Variants in SGMS1 observed in about 807,000 individuals in gnomAD.
SGMS1 encodes sphingomyelin synthase 1.
Under a neutral mutation model 46.2 loss-of-function variants are expected in SGMS1, and 13 were observed. The observed-to-expected ratio is 0.28, with a 90% CI of 0.18 to 0.45. The LOEUF (loss-of-function observed/expected upper bound fraction) is 0.45. Ranked by LOEUF, SGMS1 falls within the 20% of genes least tolerant of loss-of-function variation. The pLI, the probability that SGMS1 is intolerant of heterozygous loss-of-function variation, is 1.00. For missense variants in SGMS1, 324 were observed against 519.9 expected, an observed-to-expected ratio of 0.62 and a Z score of 3.66; for synonymous variants, 203 against 187.8, an observed-to-expected ratio of 1.08 and a Z score of -0.66.
intron 3 of SGMS1, among the ~76,000 whole-genome samples, chr10:50,472,527 T>G (rs189153692): frequency 6.6e-6 from 1 of 152,286 alleles, no homozygotes; most frequent in Admixed American, 6.5e-5. Flanking sequence ...AAAGGGTGAA[T>G]AGTATTGCAT....
intron 3 of SGMS1, among the ~76,000 whole-genome samples, chr10:50,487,844 A>T (rs1340662325): frequency 6.6e-6 from 1 of 152,094 alleles, no homozygotes; most frequent in Non-Finnish European, 1.5e-5. Flanking sequence ...AAATTTTAGA[A>T]AACATAATTG....
At chr10:50,602,793 A>G (rs1838660688) in intron 1 of SGMS1, among the ~76,000 whole-genome samples, 1 of 152,234 alleles carries the variant, frequency 6.6e-6, no homozygotes, top group African/African-American at 2.4e-5. Context: ...CAATAAAAAA[A>G]TTTGTAATGA....
intron 6 of SGMS1, among the ~76,000 whole-genome samples, chr10:50,392,654 T>G (rs1170676346): frequency 6.6e-6 from 1 of 152,190 alleles, no homozygotes; most frequent in Non-Finnish European, 1.5e-5. Flanking sequence ...AAGTGTTATT[T>G]CAGAAACAAG....
At position 50,623,951 on chromosome 10, in the gene SGMS1, C is replaced by A. The variant is rs1187786765; in HGVS notation, c.-928G>T. 1.0e-6 allele frequency: 1 copy of A among 985,936 alleles called. No individual in the cohort carries two copies. The highest frequency in any genetic ancestry group is 1.7e-5 in the African/African-American group (1 of 57,364). The allele number at this position is 985,936 out of a possible 1,614,324, so 61.1% of individuals were successfully genotyped here. ...TTTCGACTTGCCACCGCGAGCCTCC[C>A]GGGCTGCCGAGCATGCCCAGTCCGC... On this transcript the variant is annotated 5_prime_UTR_variant, in exon 1 of 11. Coordinates refer to ENST00000361781, the MANE Select transcript of SGMS1 (RefSeq NM_147156.4).
chr10:50,541,917 G>A (rs1210757125), intron 2 of SGMS1, among the ~76,000 whole-genome samples: 1 of 152,136 alleles, frequency 6.6e-6, no homozygotes, highest in Non-Finnish European at 1.5e-5. Flanking sequence ...CTTCCACTTC[G>A]AGGAGCATGT....
rs11005922 is a variant in SGMS1, at chr10:50,492,948, T to C, written c.-497-26016A>G. On this transcript the variant is annotated intron_variant, in intron 3 of 10. Transcript: ENST00000361781. ...AAGAGAGCTCTTCTCTTCTCCTTCT[T>C]TGGCCTTTTAAACCTCCTCTCTTAA... Among the ~76,000 whole-genome samples the C allele has an allele frequency of 8.3e-4, 127 of 152,262 alleles. 2 individuals are homozygous for C. The East Asian group carries it at 0.024, about 29-fold the overall frequency.
chr10:50,393,407 G>A (rs551433839), intron 6 of SGMS1, among the ~76,000 whole-genome samples: 100 of 152,214 alleles, frequency 6.6e-4, no homozygotes, highest in African/African-American at 2.0e-3. Flanking sequence ...ACATTAGACC[G>A]ATGATAAAAA....
At chr10:50,317,621 G>A (rs1258353898) in intron 8 of SGMS1, among the ~76,000 whole-genome samples, 2 of 151,978 alleles carry the variant, frequency 1.3e-5, no homozygotes, top group Non-Finnish European at 2.9e-5. Context: ...AATTTCTCCA[G>A]GTTTACTTTT....
chr10:50,612,947 C>T (rs1838764384), intron 1 of SGMS1, among the ~76,000 whole-genome samples: 2 of 152,246 alleles, frequency 1.3e-5, no homozygotes, highest in African/African-American at 2.4e-5. Context: ...GACCTCATAG[C>T]CACGTTTTTT....
chr10:50,388,111 G>C (rs958631569), intron 6 of SGMS1, among the ~76,000 whole-genome samples: 4 of 152,274 alleles, frequency 2.6e-5, no homozygotes, highest in Middle Eastern at 3.4e-3. Context: ...GAGAGGGAAG[G>C]AAGGAGATAT....
At chr10:50,411,591 G>C (rs1211649290) in intron 6 of SGMS1, among the ~76,000 whole-genome samples, 1 of 152,208 alleles carries the variant, frequency 6.6e-6, no homozygotes, top group Non-Finnish European at 1.5e-5. Context: ...CAAAGTGACA[G>C]AATGCACCTA....
intron 3 of SGMS1, among the ~76,000 whole-genome samples, chr10:50,513,624 C>T (rs868474076): frequency 3.4e-4 from 52 of 152,176 alleles, no homozygotes; most frequent in African/African-American, 1.2e-3. Flanking sequence ...AAAGCTATTA[C>T]AATAATGTAT....
chr10:50,384,610 G>T (rs1848655517), intron 6 of SGMS1, among the ~76,000 whole-genome samples: 1 of 151,894 alleles, frequency 6.6e-6, no homozygotes, highest in Non-Finnish European at 1.5e-5. Context: ...ACCATGCCAG[G>T]TTATTTTTAA....
At chr10:50,589,907 A>T (rs1838524396) in intron 2 of SGMS1, among the ~76,000 whole-genome samples, 1 of 152,266 alleles carries the variant, frequency 6.6e-6, no homozygotes, top group South Asian at 2.1e-4. Flanking sequence ...TTCAGGGAAG[A>T]ATATCCTTAT....
At chr10:50,469,214 A>G (rs1837357588) in intron 3 of SGMS1, among the ~76,000 whole-genome samples, 1 of 152,256 alleles carries the variant, frequency 6.6e-6, no homozygotes, top group Non-Finnish European at 1.5e-5. Context: ...AATCAAAATC[A>G]TCTAGTGATT....
chr10:50,349,385 G>A (rs1181367463), intron 6 of SGMS1, among the ~76,000 whole-genome samples: 1 of 152,196 alleles, frequency 6.6e-6, no homozygotes, highest in African/African-American at 2.4e-5. Flanking sequence ...GGTCTTATGT[G>A]TGTGCTATGG....
In SGMS1 at chr10:50,531,238, C is replaced by T. The variant is rs541696541; in HGVS notation, c.-588-11317G>A. ...AAAATCTTGCTATCACCCATGTGTG[C>T]TCATGGGTTTCATATTTTAAATGGA... On this transcript the variant is annotated intron_variant, in intron 2 of 10. Transcript: ENST00000361781. Among the ~76,000 whole-genome samples the T allele has an allele frequency of 8.5e-5, 13 of 152,328 alleles. No homozygotes were observed. In the South Asian group the frequency reaches 2.7e-3, roughly 32 times the overall value.
chr10:50,378,462 AACAGAG>A (rs1319263864), intron 6 of SGMS1, among the ~76,000 whole-genome samples: 1 of 152,222 alleles, frequency 6.6e-6, no homozygotes, highest in Non-Finnish European at 1.5e-5. Flanking sequence ...GCAGATCATA[AACAGAG>A]ACTGAGACAA....
intron 6 of SGMS1, among the ~76,000 whole-genome samples, chr10:50,382,834 A>G (rs541704955): frequency 2.8e-4 from 42 of 152,320 alleles, no homozygotes; most frequent in African/African-American, 7.9e-4. Context: ...TCAAATGGCC[A>G]CAGGAATTAC....
Sources: allele counts gnomAD v4.1 joint callset (sites outside exome capture counted in the v4.1 genomes callset), GRCh38; gene constraint gnomAD v4.1.1; transcripts MANE v1.5; gene names NCBI Gene and HGNC (gene_info 2026-07-23, HGNC 2026-07-21).